The following HHLA1 variants were observed in gnomAD, a reference collection of about 807,000 sequenced individuals.
HHLA1 encodes the protein HHLA1 neighbor of OC90, also known as HERV-H LTR-associating protein 1.
HHLA1 carries 72 observed loss-of-function variants against 69.9 expected under a neutral mutation model. The observed-to-expected ratio is 1.03, with a 90% CI of 0.85 to 1.25. The LOEUF (loss-of-function observed/expected upper bound fraction) is 1.25. Ranked by LOEUF, HHLA1 falls within the 50% of genes most tolerant of loss-of-function variation. The pLI, the probability that HHLA1 is intolerant of heterozygous loss-of-function variation, is 0.00. For missense variants in HHLA1, 685 were observed against 642.2 expected, an observed-to-expected ratio of 1.07 and a Z score of -0.72; for synonymous variants, 252 against 233.2, an observed-to-expected ratio of 1.08 and a Z score of -0.73.
At position 132,079,883 on chromosome 8, in the gene HHLA1, A is replaced by C. The variant is rs113663374; in HGVS notation, c.760T>G (p.Trp254Gly). The change falls in exon 11 of 17, where the codon TGG (tryptophan) becomes GGG (glycine). Residue 254 changes from tryptophan (W) to glycine (G), a missense_variant. By Grantham distance (184) the Trp-to-Gly change is radical (BLOSUM62 -2). Transcript: ENST00000414222. ...GATGCCCAGGGTGTGCTCTGGGTCC[A>C]GTGTCCGGGGCTTGTACTTGGTAGT... ...KTLPSTSPGH[W>G]TQSTPWASAL... 6.4e-7 allele frequency: 1 copy of C among 1,552,160 alleles called. No homozygotes were observed. The highest frequency in any genetic ancestry group is 2.4e-5 in the East Asian group (1 of 40,918).
intron 14 of HHLA1, among the ~76,000 whole-genome samples, chr8:132,074,019 C>T (rs1201436425): frequency 6.6e-6 from 1 of 152,160 alleles, no homozygotes; most frequent in Admixed American, 6.5e-5. Context: ...TCACATTACT[C>T]CCACTTGCCT....
intron 8 of HHLA1, among the ~76,000 whole-genome samples, chr8:132,088,539 G>A (rs4736544): frequency 0.73 from 110,427 of 152,056 alleles, 42,593 homozygotes; most frequent in South Asian, 0.9. Flanking sequence ...AAGAACTGTG[G>A]ACATGGGGTT....
chr8:132,086,851 G>GT (rs149688284), intron 10 of HHLA1, among the ~76,000 whole-genome samples: 4,093 of 152,310 alleles, frequency 0.027, 139 homozygotes, highest in East Asian at 0.16. Context: ...CTGAAGTGGA[G>GT]TTGCAGATTT....
At chr8:132,082,860 T>C (rs953272393) in intron 10 of HHLA1, among the ~76,000 whole-genome samples, 4 of 151,982 alleles carry the variant, frequency 2.6e-5, no homozygotes, top group African/African-American at 9.7e-5. Flanking sequence ...GCTTGTCTGG[T>C]TTTAGGACAG....
chr8:132,094,597 A>G (rs968039608), intron 7 of HHLA1, among the ~76,000 whole-genome samples: 1 of 151,854 alleles, frequency 6.6e-6, no homozygotes, highest in Non-Finnish European at 1.5e-5. Flanking sequence ...CTCAACCCTC[A>G]CTTCATTTGG....
chr8:132,087,063 T>C (rs1823876148), intron 10 of HHLA1, among the ~76,000 whole-genome samples: 1 of 152,202 alleles, frequency 6.6e-6, no homozygotes, highest in African/African-American at 2.4e-5. Context: ...AAGTGCTGTG[T>C]TATGGGACCG....
chr8:132,096,894 C>T (rs779470991), intron 5 of HHLA1, among the ~76,000 whole-genome samples: 2 of 152,118 alleles, frequency 1.3e-5, no homozygotes, highest in African/African-American at 2.4e-5. Context: ...ACTGCGGCCT[C>T]CACCTCTCAG....
At chr8:132,087,996 T>C in intron 8 of HHLA1, 95 bp from the exon 9 acceptor site, 1 of 862,458 alleles carries the variant, frequency 1.2e-6, no homozygotes, top group Non-Finnish European at 1.9e-6. Context: ...GTACCTAACT[T>C]AGGATAATAT....
In HHLA1 at chr8:132,089,718, G is replaced by C. The variant is rs981202343; in HGVS notation, c.449-119C>G. 5.8e-5 allele frequency: 38 copies of C among 655,900 alleles called. No individual in the cohort carries two copies. The East Asian group carries it at 1.0e-3, about 18-fold the overall frequency. The allele number at this position is 655,900 out of a possible 1,614,324, so 40.6% of individuals were successfully genotyped here. A position where few individuals can be genotyped will look rare whatever the true frequency, so the allele number is the denominator to read the frequency against. ...GTTTGATTTAGTTTAGTGTATTGAG[G>C]AATATCAACAATGATACAGAGAAAT... On this transcript the variant is annotated intron_variant, in intron 7 of 16. Coordinates refer to ENST00000414222, the MANE Select transcript of HHLA1 (RefSeq NM_001145095.3).
At chr8:132,064,512 C>A (rs958467837) in intron 16 of HHLA1, among the ~76,000 whole-genome samples, 3 of 152,204 alleles carry the variant, frequency 2.0e-5, no homozygotes, top group African/African-American at 7.2e-5. Context: ...ACCACCCCAC[C>A]CCCACTCCTA....
chr8:132,075,178 GAGA>G (rs758949466), intron 14 of HHLA1, among the ~76,000 whole-genome samples: 76 of 152,310 alleles, frequency 5.0e-4, no homozygotes, highest in Non-Finnish European at 9.6e-4. Flanking sequence ...ACTGCAGGCT[GAGA>G]GTAAGGCTGG....
rs1053791089 is a variant in HHLA1, at chr8:132,076,053, A to G, written c.1315+2T>C. ...TAGTAATGACTGGGCACTGGTACTT[A>G]CTTGAAACTTGATGGGGTCTTGGGA... On this transcript the variant is annotated splice_donor_variant, in intron 14 of 16. Coordinates refer to ENST00000414222, the MANE Select transcript of HHLA1 (RefSeq NM_001145095.3). LOFTEE classifies it high-confidence loss of function. The G allele has an allele frequency of 1.3e-6, 2 of 1,548,532 alleles. No homozygotes were observed. Among genetic ancestry groups the G allele is most frequent in the African/African-American group, 1.4e-5 (1 of 72,964 alleles).
At chr8:132,099,156 G>C (rs961786249) in intron 4 of HHLA1, among the ~76,000 whole-genome samples, 194 bp from the exon 5 acceptor site, 3 of 152,178 alleles carry the variant, frequency 2.0e-5, no homozygotes, top group African/African-American at 7.2e-5. Flanking sequence ...TCAACAAAGT[G>C]ACAAATATAG....
intron 7 of HHLA1, among the ~76,000 whole-genome samples, chr8:132,093,114 G>A (rs1223363110): frequency 1.3e-5 from 2 of 152,310 alleles, no homozygotes; most frequent in Middle Eastern, 3.4e-3. Flanking sequence ...ACACTGATGG[G>A]TAGATATTAG....
intron 3 of HHLA1, among the ~76,000 whole-genome samples, chr8:132,102,623 G>T (rs1824128321): frequency 6.6e-6 from 1 of 152,186 alleles, no homozygotes; most frequent in South Asian, 2.1e-4. Flanking sequence ...AATCAACCTT[G>T]CTTGTGACCT....
At chr8:132,100,240 G>C (rs1824091378) in intron 3 of HHLA1, 106 bp from the exon 4 acceptor site, 1 of 788,686 alleles carries the variant, frequency 1.3e-6, no homozygotes, top group Non-Finnish European at 2.2e-6. Flanking sequence ...CTCCGTGTGA[G>C]AGTCACTGGC....
chr8:132,110,825 A>G (rs1454222052), intron 1 of HHLA1, among the ~76,000 whole-genome samples: 2 of 152,226 alleles, frequency 1.3e-5, no homozygotes, highest in African/African-American at 4.8e-5. Context: ...CATAGATGTG[A>G]GGACAAACCA....
rs1031702698 is a variant in HHLA1 at position 132,065,843 on chromosome 8, G to C, written c.1552+43C>G. 6.4e-6 allele frequency: 6 copies of C among 931,046 alleles called. No homozygotes were observed. In the African/African-American group the frequency reaches 1.0e-4, roughly 16 times the overall value. The allele number at this position is 931,046 out of a possible 1,614,324, so 57.7% of individuals were successfully genotyped here. The stretch of plus-strand genomic sequence containing the variant: ...GATTTACAGGACCCTTTTGTGTAAT[G>C]CATTCACTGCAAAGTTACAACATAG... On this transcript the variant is annotated intron_variant, in intron 16 of 16. Transcript: ENST00000414222.
chr8:132,098,960 G>T lies in HHLA1; in HGVS notation c.202C>A (p.Leu68Met). Residue 68 changes from leucine (L) to methionine (M), a missense_variant and splice_region_variant, in exon 5 of 17, where the codon CTG (leucine) becomes ATG (methionine). Leu to Met is a conservative substitution (Grantham distance 15, BLOSUM62 2). Transcript: ENST00000414222. ...GACAGATCGATTGACCTTGCGGGCA[G>T]CTCTGAAAGAGATTCAGAGATAATG... ...KGVAFLATTE[L>M]PARSIDLSAL... The T allele has an allele frequency of 6.5e-7, 1 of 1,545,940 alleles. No individual in the cohort carries two copies. Among genetic ancestry groups the T allele is most frequent in the Non-Finnish European group, 8.7e-7 (1 of 1,144,154 alleles).
Sources: gnomAD v4.1 joint callset for allele counts (sites outside exome capture counted in the v4.1 genomes callset) on GRCh38, gnomAD v4.1.1 for gene constraint, MANE v1.5 for transcripts, NCBI Gene and HGNC (gene_info 2026-07-23, HGNC 2026-07-21) for gene names.